The following KAZN variants were observed in gnomAD, a reference collection of about 807,000 sequenced individuals.
KAZN encodes the protein kazrin.
KAZN carries 40 observed loss-of-function variants against 87.4 expected under a neutral mutation model. That is an observed-to-expected ratio of 0.46 (90% CI 0.36 to 0.60). KAZN has a LOEUF of 0.60. KAZN is among the 20% of genes least tolerant of loss of function. The pLI is 0.00. For synonymous variants in KAZN, 466 were observed against 458.3 expected, an observed-to-expected ratio of 1.02 and a Z score of -0.22; for missense variants, 898 against 1,073.9, an observed-to-expected ratio of 0.84 and a Z score of 2.29.
chr1:14,999,813 C>T lies in KAZN; in HGVS notation c.419-34936C>T, dbSNP rs543912307. 2.1e-3 allele frequency among the ~76,000 whole-genome samples: 327 copies of T among 152,334 alleles called. 1 individual carries two copies. Among genetic ancestry groups the T allele is most frequent in the Non-Finnish European group, 3.1e-3 (209 of 68,026 alleles). ...GGGCACTCTGCCCTGGGCCTCCCCA[C>T]CTCCACATCTTTGCTCCAGTTGAAT... is the stretch of plus-strand genomic sequence containing the variant. On this transcript the variant is annotated intron_variant, in intron 2 of 14. Coordinates refer to ENST00000376030, the MANE Select transcript of KAZN (RefSeq NM_201628.3).
At chr1:13,973,732 TTTG>T (rs1467895227) in intron 1 of KAZN, among the ~76,000 whole-genome samples, 8 of 152,232 alleles carry the variant, frequency 5.3e-5, no homozygotes, top group African/African-American at 1.9e-4. Flanking sequence ...CTGCTGAGAC[TTTG>T]TTAACATCCC....
At chr1:14,088,882 A>G (rs1195284180) in intron 1 of KAZN, among the ~76,000 whole-genome samples, 1 of 151,320 alleles carries the variant, frequency 6.6e-6, no homozygotes, top group Non-Finnish European at 1.5e-5. Context: ...TCATTATGAA[A>G]TGTCCCTCTT....
chr1:15,079,946 T>C (rs768513299), intron 8 of KAZN, among the ~76,000 whole-genome samples: 5 of 152,208 alleles, frequency 3.3e-5, no homozygotes, highest in African/African-American at 7.2e-5. Context: ...TGGATAACTA[T>C]GTGTTTGTCT....
chr1:13,934,605 TG>T (rs1465602713), intron 1 of KAZN, among the ~76,000 whole-genome samples: 1 of 152,248 alleles, frequency 6.6e-6, no homozygotes, highest in Admixed American at 6.5e-5. Context: ...CTCACTGGTC[TG>T]TCCAGATAGA....
chr1:14,454,276 A>G (rs1329400902), intron 2 of KAZN, among the ~76,000 whole-genome samples: 1 of 152,226 alleles, frequency 6.6e-6, no homozygotes, highest in Non-Finnish European at 1.5e-5. Context: ...AACATAAAAG[A>G]AAAAATGAGG....
At chr1:14,596,559 A>G (rs2148589268), upstream of KAZN, among the ~76,000 whole-genome samples, 1 of 152,356 alleles carries the variant, frequency 6.6e-6, no homozygotes, top group South Asian at 2.1e-4. Context: ...CATTTTCATC[A>G]GTCAGCACAA....
intron 1 of KAZN, among the ~76,000 whole-genome samples, chr1:14,937,095 T>C (rs1320493675): frequency 6.6e-6 from 1 of 152,220 alleles, no homozygotes; most frequent in Non-Finnish European, 1.5e-5. Context: ...GGCATAATTC[T>C]TGCAGTGTGC....
At chr1:15,082,088 C>T (rs1011868144) in intron 8 of KAZN, among the ~76,000 whole-genome samples, 7 of 152,212 alleles carry the variant, frequency 4.6e-5, no homozygotes, top group African/African-American at 7.2e-5. Context: ...CAGCAGGGGA[C>T]GTTGCAACCT....
chr1:14,771,013 T>C (rs1433888736), intron 1 of KAZN, among the ~76,000 whole-genome samples: 1 of 152,136 alleles, frequency 6.6e-6, no homozygotes, highest in Admixed American at 6.5e-5. Flanking sequence ...GATGACTGGA[T>C]CTGCCCAAAT....
intron 1 of KAZN, among the ~76,000 whole-genome samples, chr1:14,761,229 G>A (rs1644730034): frequency 6.6e-6 from 1 of 152,106 alleles, no homozygotes; most frequent in Admixed American, 6.5e-5. Flanking sequence ...ATCTCTTCCT[G>A]GAGCCCCCTG....
At chr1:14,372,567 C>T (rs1367295463) in intron 2 of KAZN, among the ~76,000 whole-genome samples, 1 of 152,226 alleles carries the variant, frequency 6.6e-6, no homozygotes, top group Non-Finnish European at 1.5e-5. Context: ...TGCATTAGCA[C>T]ATGCCCCATG....
chr1:14,192,010 G>A (rs1646430649), intron 2 of KAZN, among the ~76,000 whole-genome samples: 1 of 152,134 alleles, frequency 6.6e-6, no homozygotes, highest in African/African-American at 2.4e-5. Context: ...GGCCACCTTG[G>A]GAAATGCAGC....
At chr1:14,110,208 T>C (rs1644470057) in intron 1 of KAZN, among the ~76,000 whole-genome samples, 2 of 152,232 alleles carry the variant, frequency 1.3e-5, no homozygotes, top group Admixed American at 1.3e-4. Context: ...CAGCTGGATG[T>C]TCCGTTTCCT....
chr1:14,950,086 A>C (rs2101698957), intron 1 of KAZN, among the ~76,000 whole-genome samples: 1 of 152,148 alleles, frequency 6.6e-6, no homozygotes, highest in Admixed American at 6.5e-5. Context: ...CACCCTCCAC[A>C]CCCACCCGTA....
At chr1:14,522,625 T>C (rs991719559) in intron 2 of KAZN, among the ~76,000 whole-genome samples, 2 of 152,196 alleles carry the variant, frequency 1.3e-5, no homozygotes, top group Non-Finnish European at 2.9e-5. Context: ...GGTGTTGACG[T>C]GGACTGCCCA....
In KAZN at chr1:14,472,207, G is replaced by A. The variant is rs536851891; in HGVS notation, c.250-126776G>A. ...TCCTGAAAGGCCCCACCTGTACTAC[G>A]GACACATTGTAGATTAGGTTTCAAG... On this transcript the variant is annotated intron_variant, in intron 2 of 16. Coordinates refer to the KAZN transcript ENST00000636203. Among the ~76,000 whole-genome samples the A allele has an allele frequency of 5.3e-5, 8 of 152,136 alleles. No individual in the cohort carries two copies. In the South Asian group the frequency reaches 6.3e-4, roughly 12 times the overall value.
chr1:14,579,160 G>T (rs1675372026), intron 2 of KAZN, among the ~76,000 whole-genome samples: 1 of 152,150 alleles, frequency 6.6e-6, no homozygotes, highest in South Asian at 2.1e-4. Context: ...TTGCCTAAGT[G>T]ACCCTTGGAA....
chr1:14,323,839 GC>G (rs1411939272), intron 2 of KAZN, among the ~76,000 whole-genome samples: 1 of 152,110 alleles, frequency 6.6e-6, no homozygotes, highest in Non-Finnish European at 1.5e-5. Context: ...TTTGACCCTT[GC>G]CCCAGATTGA....
At position 15,094,950 on chromosome 1, in the gene KAZN, G is replaced by T. The variant is rs1398215354; in HGVS notation, c.1547+17G>T. 1 of 1,527,912 alleles carries T rather than the reference G, an allele frequency of 6.5e-7. No individual in the cohort carries two copies. Among genetic ancestry groups the T allele is most frequent in the Non-Finnish European group, 8.9e-7 (1 of 1,127,270 alleles). The allele number at this position is 1,527,912 out of a possible 1,614,324, so 94.6% of individuals were successfully genotyped here. On this transcript the variant is annotated intron_variant, in intron 10 of 14. Coordinates refer to ENST00000376030, the MANE Select transcript of KAZN (RefSeq NM_201628.3). This position sits in a 1 kb window ranked among gnomAD's most constrained non-coding sequence, Gnocchi z 4.5. Reference sequence around the variant, plus strand: ...AGGCCGCAGGTGAGCCCACCACGAGGGGCCCCGGGGGAGGAGAGAAAAAGT... The same window carrying T: ...AGGCCGCAGGTGAGCCCACCACGAGTGGCCCCGGGGGAGGAGAGAAAAAGT...
Sources: allele counts gnomAD v4.1 joint callset (sites outside exome capture counted in the v4.1 genomes callset), GRCh38; gene constraint gnomAD v4.1.1; non-coding constraint Gnocchi (gnomAD v3.1); transcripts MANE v1.5; gene names NCBI Gene and HGNC (gene_info 2026-07-23, HGNC 2026-07-21).